SMARCD1: variants seen among roughly 807,000 people sequenced by gnomAD.
The protein encoded by SMARCD1 is SWI/SNF-related matrix-associated actin-dependent regulator of chromatin subfamily D member 1.
A neutral mutation model predicts 70.8 loss-of-function variants in SMARCD1; 16 were observed. The ratio of observed to expected loss-of-function variants is 0.23; its 90% CI spans 0.15 to 0.34. SMARCD1 has a LOEUF of 0.34. Among genes scored for constraint, SMARCD1 ranks in the 10% least tolerant of loss-of-function variants. SMARCD1 has a pLI of 1.00. For synonymous variants in SMARCD1, 249 were observed against 246.0 expected (o/e 1.01, Z -0.11); for missense variants, 409 against 655.5 (o/e 0.62, Z 4.11).
intron 10 of SMARCD1, 28 bp from the exon 11 acceptor site, chr12:50,096,822 A>G (rs1164110505): frequency 1.3e-6 from 2 of 1,579,152 alleles, no homozygotes; most frequent in African/African-American, 1.4e-5. Flanking sequence ...TAGTTTGAAA[A>G]TGGTATGAGC....
At chr12:50,087,596 C>T in intron 5 of SMARCD1, 111 bp downstream of exon 5, 3 of 1,308,326 alleles carry the variant, frequency 2.3e-6, no homozygotes, top group Admixed American at 4.2e-5. Context: ...CTTTTGGGAG[C>T]AGTAAGGAGA....
intron 9 of SMARCD1, among the ~76,000 whole-genome samples, chr12:50,092,200 G>T (rs1950850157): frequency 6.7e-6 from 1 of 148,562 alleles, no homozygotes; most frequent in Non-Finnish European, 1.5e-5. Context: ...TATTAATTCT[G>T]GTAAGGGCTT....
At chr12:50,096,390 T>G (rs1950893413) in intron 10 of SMARCD1, among the ~76,000 whole-genome samples, 1 of 152,130 alleles carries the variant, frequency 6.6e-6, no homozygotes, top group African/African-American at 2.4e-5. Flanking sequence ...GGCTGCAGAC[T>G]GGGGACTCAT....
At chr12:50,094,829 GCT>G (rs755588702) in intron 10 of SMARCD1, among the ~76,000 whole-genome samples, 15 of 151,972 alleles carry the variant, frequency 9.9e-5, no homozygotes, top group Non-Finnish European at 1.8e-4. Flanking sequence ...CAGGAGTCTC[GCT>G]CTCTCGCCCA....
chr12:50,091,758 T>A (rs935307698), intron 9 of SMARCD1, among the ~76,000 whole-genome samples: 2 of 144,788 alleles, frequency 1.4e-5, no homozygotes, highest in Non-Finnish European at 3.1e-5. Flanking sequence ...TTTATATTTT[T>A]AGTAGAGACG....
chr12:50,091,522 G>A (rs1950843463), intron 9 of SMARCD1, among the ~76,000 whole-genome samples: 1 of 151,742 alleles, frequency 6.6e-6, no homozygotes, highest in Admixed American at 6.6e-5. Flanking sequence ...TGATCCACCC[G>A]CCTTGGCTTC....
At chr12:50,096,010 G>A (rs1489472405) in intron 10 of SMARCD1, among the ~76,000 whole-genome samples, 2 of 152,188 alleles carry the variant, frequency 1.3e-5, no homozygotes, top group Non-Finnish European at 2.9e-5. Context: ...GAAGGTGGAT[G>A]GAGAATAATT....
In SMARCD1 at chr12:50,091,133, C is replaced by T. The variant is rs1008481242; in HGVS notation, c.1133+543C>T. Among the ~76,000 whole-genome samples the T allele has an allele frequency of 1.2e-4, 18 of 152,070 alleles. No homozygotes were observed. The South Asian group carries it at 2.3e-3, about 19-fold the overall frequency. The stretch of plus-strand genomic sequence containing the variant: ...CTCGGATTACAGGCATGAGCCACCG[C>T]GCCCAGCCTGTATTTGTGCTCTTGA... On this transcript the variant is annotated intron_variant, in intron 9 of 12. Transcript: ENST00000394963.
chr12:50,093,735 G>A (rs929860586), intron 9 of SMARCD1, among the ~76,000 whole-genome samples: 2 of 152,098 alleles, frequency 1.3e-5, no homozygotes, highest in Non-Finnish European at 2.9e-5. Context: ...TCTTACCTGA[G>A]CCTCCCAAAG....
chr12:50,090,076 A>G, intron 7 of SMARCD1, 91 bp downstream of exon 7: 1 of 1,359,868 alleles, frequency 7.4e-7, no homozygotes, highest in Non-Finnish European at 1.0e-6. Context: ...GTTGTGAATA[A>G]TTTGCCACTT....
chr12:50,086,352 AGAT>A lies in SMARCD1; in HGVS notation c.365+8_365+10del, dbSNP rs1296852947. On this transcript the variant is annotated splice_donor_5th_base_variant and intron_variant, in intron 2 of 12. Coordinates refer to ENST00000394963, the MANE Select transcript of SMARCD1 (RefSeq NM_003076.5). ...CGGTCCAAAATCGAAACCACAAGTAAGATGATCCTGGGGCAGAGGGAGGGAGGG... is the reference window on the plus strand; with the variant it reads ...CGGTCCAAAATCGAAACCACAAGTAAGATCCTGGGGCAGAGGGAGGGAGGG... The A allele has an allele frequency of 1.1e-6, 1 of 938,416 alleles. No homozygotes were observed. Among genetic ancestry groups the A allele is most frequent in the African/African-American group, 1.7e-5 (1 of 58,334 alleles). The allele number at this position is 938,416 out of a possible 1,614,324, so 58.1% of individuals were successfully genotyped here.
chr12:50,092,369 G>A (rs563457606), intron 9 of SMARCD1, among the ~76,000 whole-genome samples: 1 of 150,232 alleles, frequency 6.7e-6, no homozygotes, highest in Non-Finnish European at 1.5e-5. Context: ...GATTACAGGC[G>A]CATGCCACCA....
chr12:50,089,993 G>T lies in SMARCD1; in HGVS notation c.873+8G>T. 1 of 1,607,672 alleles carries T rather than the reference G, an allele frequency of 6.2e-7. No homozygotes were observed. The highest frequency in any genetic ancestry group is 1.1e-5 in the South Asian group (1 of 90,954). ...CTGATGCTGGATTACCAGGTATTCT[G>T]TGGTGGTGTGAGGGGGTCCAGCTTT... On this transcript the variant is annotated splice_region_variant and intron_variant, in intron 7 of 12. Transcript: ENST00000394963.
intron 5 of SMARCD1, chr12:50,088,118 C>A (rs1008477871): frequency 2.6e-5 from 16 of 622,230 alleles, no homozygotes; most frequent in Non-Finnish European, 4.4e-5. Flanking sequence ...TATATAGGTC[C>A]GGTCCATCTG....
In SMARCD1 at chr12:50,086,152, C is replaced by T. The variant is rs2307082; in HGVS notation, c.178-9C>T. 22,002 of 1,530,350 alleles carry T rather than the reference C, an allele frequency of 0.014. 871 individuals carry two copies. Among genetic ancestry groups the T allele is most frequent in the African/African-American group, 0.095 (6,857 of 72,446 alleles). 94.8% of individuals were successfully genotyped at this position (1,530,350 alleles called of 1,614,324 possible). A position where few individuals can be genotyped will look rare whatever the true frequency, so the allele number is the denominator to read the frequency against. ...ACCATGACATCTCTGGGTCCTCTCC[C>T]CTCTGTAGAGACCAGGTATGTTGCC... On this transcript the variant is annotated splice_polypyrimidine_tract_variant and intron_variant, in intron 1 of 12. Transcript: ENST00000394963.
At chr12:50,090,115 C>T in intron 7 of SMARCD1, 126 bp from the exon 8 acceptor site, 2 of 1,296,498 alleles carry the variant, frequency 1.5e-6, no homozygotes, top group Non-Finnish European at 2.2e-6. Context: ...TTAGTCATCT[C>T]TGAGTTCTTC....
Position 50,100,487 on chromosome 12 carries a change from C to G in SMARCD1, c.*1487C>G, listed in dbSNP as rs796249648. 3.0e-4 allele frequency: 46 copies of G among 152,766 alleles called. No individual in the cohort carries two copies. The highest frequency in any genetic ancestry group is 1.1e-3 in the African/African-American group (44 of 41,562). The allele number at this position is 152,766 out of a possible 1,614,324, so 9.5% of individuals were successfully genotyped here. A position where few individuals can be genotyped will look rare whatever the true frequency, so the allele number is the denominator to read the frequency against. On this transcript the variant is annotated 3_prime_UTR_variant, in exon 13 of 13. Coordinates refer to ENST00000394963, the MANE Select transcript of SMARCD1 (RefSeq NM_003076.5). ...TGGGGCAGCTGAGCCCTGGCCGCCT[C>G]CTGGCTGGAACCATGAGAAGGAAGC...
At position 50,100,113 on chromosome 12, in the gene SMARCD1, C is replaced by T. The variant is rs1360977618; in HGVS notation, c.*1113C>T. On this transcript the variant is annotated 3_prime_UTR_variant, in exon 13 of 13. Coordinates refer to ENST00000394963, the MANE Select transcript of SMARCD1 (RefSeq NM_003076.5). The stretch of plus-strand genomic sequence containing the variant: ...CAGACCCCTCAGGTAGCAGCAGGAC[C>T]TTGTGATCTTGGCCCCTTGGATCTG... 1 of 152,716 alleles carries T rather than the reference C, an allele frequency of 6.5e-6. No homozygotes were observed. The highest frequency in any genetic ancestry group is 1.5e-5 in the Non-Finnish European group (1 of 68,112). 9.5% of individuals were successfully genotyped at this position (152,716 alleles called of 1,614,324 possible).
chr12:50,094,984 G>A (rs565441276), intron 10 of SMARCD1, among the ~76,000 whole-genome samples: 1 of 152,238 alleles, frequency 6.6e-6, no homozygotes, highest in East Asian at 1.9e-4. Flanking sequence ...TTTTAGTAGA[G>A]ACGAGGTTTC....
Sources: allele counts gnomAD v4.1 joint callset (sites outside exome capture counted in the v4.1 genomes callset), GRCh38; gene constraint gnomAD v4.1.1; transcripts MANE v1.5; gene names NCBI Gene and HGNC (gene_info 2026-07-23, HGNC 2026-07-21).